Variants in LRFN5 observed in about 807,000 individuals in gnomAD.
LRFN5 encodes the protein leucine-rich repeat and fibronectin type-III domain-containing protein 5.
A neutral mutation model predicts 45.6 loss-of-function variants in LRFN5; 24 were observed. The ratio of observed to expected loss-of-function variants is 0.53; its 90% CI spans 0.38 to 0.74. LRFN5 has a LOEUF of 0.74. Ranked by LOEUF, LRFN5 falls within the 30% of genes least tolerant of loss-of-function variation. The pLI is 0.00. For missense variants in LRFN5, 776 were observed against 861.5 expected, an observed-to-expected ratio of 0.90 and a Z score of 1.24; for synonymous variants, 340 against 313.8, an observed-to-expected ratio of 1.08 and a Z score of -0.88.
intron 2 of LRFN5, among the ~76,000 whole-genome samples, chr14:41,862,373 T>C (rs8017309): frequency 0.8 from 121,536 of 152,148 alleles, 48,753 homozygotes; most frequent in East Asian, 0.97. Flanking sequence ...GTTACTCTTG[T>C]GACATTCATT....
intron 1 of LRFN5, among the ~76,000 whole-genome samples, chr14:41,665,278 G>T (rs529693379): frequency 1.1e-4 from 16 of 151,854 alleles, no homozygotes; most frequent in African/African-American, 3.6e-4. Flanking sequence ...ATTTATGTAT[G>T]TGAAGGATAA....
chr14:41,611,677 C>T (rs570254655), intron 1 of LRFN5, among the ~76,000 whole-genome samples: 1 of 152,274 alleles, frequency 6.6e-6, no homozygotes, highest in Non-Finnish European at 1.5e-5. Context: ...TGAACACCAG[C>T]CTTCTGTTCT....
chr14:41,781,629 AGAAAG>A (rs1341512700), intron 2 of LRFN5, among the ~76,000 whole-genome samples: 6 of 148,230 alleles, frequency 4.0e-5, no homozygotes, highest in African/African-American at 1.2e-4. Flanking sequence ...AAAGAAAGAA[AGAAAG>A]GAAAGAAAGA....
chr14:41,645,323 C>T (rs1020461899), intron 1 of LRFN5, among the ~76,000 whole-genome samples: 2 of 152,162 alleles, frequency 1.3e-5, no homozygotes, highest in African/African-American at 4.8e-5. Context: ...CAACCTCCGC[C>T]TCCCAGGTTC....
Position 41,887,366 on chromosome 14 carries a change from A to G in LRFN5, c.741A>G (p.Glu247=). The G allele has an allele frequency of 6.2e-7, 1 of 1,614,148 alleles. No homozygotes were observed. The highest frequency in any genetic ancestry group is 8.5e-7 in the Non-Finnish European group (1 of 1,180,020). ...GAAACCCCTTGCATTGCAATTGTGA[A>G]TTGTTGTGGTTGAGGCGTCTGTCCA... ...FGGNPLHCNC[E]LLWLRRLSRE... The change falls in exon 3 of 6, where the codon GAA becomes GAG. Residue 247 remains glutamate, a synonymous_variant. Transcript: ENST00000298119. This position sits in a 1 kb window ranked among gnomAD's most constrained non-coding sequence, Gnocchi z 4.8.
At chr14:41,845,288 G>A (rs574029554) in intron 2 of LRFN5, among the ~76,000 whole-genome samples, 1 of 152,212 alleles carries the variant, frequency 6.6e-6, no homozygotes, top group South Asian at 2.1e-4. Context: ...GAGGCAACCA[G>A]ACAGCATGTA....
intron 1 of LRFN5, among the ~76,000 whole-genome samples, chr14:41,734,076 G>A (rs1283096572): frequency 7.2e-6 from 1 of 139,730 alleles, no homozygotes; most frequent in African/African-American, 2.7e-5. Context: ...CCCAGGCTGG[G>A]GTGCAATGGC....
At position 41,904,221 on chromosome 14, in the gene LRFN5, AT is replaced by A. The variant is rs1437827007; in HGVS notation, c.*51del. ...TCTCCTGAAAAAATTTGCCACTGAT[AT>A]TTTTACTGGATAAAATTCAAAAATG... On this transcript the variant is annotated 3_prime_UTR_variant, in exon 6 of 6. Coordinates refer to ENST00000298119, the MANE Select transcript of LRFN5 (RefSeq NM_152447.5). 1.2e-6 allele frequency: 2 copies of A among 1,604,518 alleles called. No homozygotes were observed. Among genetic ancestry groups the A allele is most frequent in the East Asian group, 2.2e-5 (1 of 44,776 alleles).
At chr14:41,799,170 A>T (rs1400342736) in intron 2 of LRFN5, among the ~76,000 whole-genome samples, 5 of 152,036 alleles carry the variant, frequency 3.3e-5, no homozygotes, top group Admixed American at 3.3e-4. Context: ...AAGTGCATAA[A>T]TTGCTGGTTG....
At chr14:41,697,574 G>T (rs1169816529) in intron 1 of LRFN5, among the ~76,000 whole-genome samples, 1 of 150,856 alleles carries the variant, frequency 6.6e-6, no homozygotes. Flanking sequence ...CATGTGGATT[G>T]ACTTGTCCAT....
At chr14:41,746,321 A>C (rs763029638) in intron 1 of LRFN5, among the ~76,000 whole-genome samples, 2 of 151,856 alleles carry the variant, frequency 1.3e-5, no homozygotes, top group South Asian at 2.1e-4. Context: ...GATACAAAAC[A>C]CTCAAAGAAT....
chr14:41,809,254 T>C (rs1206091559), intron 2 of LRFN5, among the ~76,000 whole-genome samples: 1 of 152,104 alleles, frequency 6.6e-6, no homozygotes, highest in African/African-American at 2.4e-5. Flanking sequence ...TAAAATGGAA[T>C]AAAAATGAGT....
At chr14:41,757,851 C>T (rs80129523) in intron 1 of LRFN5, among the ~76,000 whole-genome samples, 1 of 152,156 alleles carries the variant, frequency 6.6e-6, no homozygotes, top group Non-Finnish European at 1.5e-5. Flanking sequence ...GCGTGGCTCA[C>T]ATTGGGAGCT....
chr14:41,759,494 CACACAG>C (rs372895562), intron 1 of LRFN5, among the ~76,000 whole-genome samples: 15,710 of 50,010 alleles, frequency 0.31, 984 homozygotes, highest in South Asian at 0.38. Flanking sequence ...CACACACACA[CACACAG>C]AGAGAGCACC....
intron 1 of LRFN5, among the ~76,000 whole-genome samples, chr14:41,670,254 CAG>C (rs1881122715): frequency 8.3e-5 from 5 of 59,916 alleles, no homozygotes; most frequent in Non-Finnish European, 1.3e-4. Flanking sequence ...CACATACACA[CAG>C]ATATATATAT....
chr14:41,887,091 T>C lies in LRFN5; in HGVS notation c.466T>C (p.Tyr156His). Residue 156 changes from tyrosine (Y) to histidine (H), a missense_variant, in exon 3 of 6, where the codon TAT becomes CAT. Physicochemically the swap from Tyr to His is moderately conservative, Grantham distance 83. This residue lies in a region of LRFN5 where 311 missense variants were observed against 405.1 expected (regional missense o/e 0.77). Transcript: ENST00000298119. The surrounding 1 kb of genome is among the most constrained non-coding windows in gnomAD (Gnocchi z 4.8). ...CGCCCTTGAGGAGCTGGATCTGTCC[T>C]ATAATAATCTAGAAACCATTCCTTG... ...VFALEELDLS[Y>H]NNLETIPWDA... 1 of 1,614,016 alleles carries C rather than the reference T, an allele frequency of 6.2e-7. No individual in the cohort carries two copies.
At chr14:41,760,653 A>T (rs978452217) in intron 1 of LRFN5, among the ~76,000 whole-genome samples, 1 of 152,154 alleles carries the variant, frequency 6.6e-6, no homozygotes, top group African/African-American at 2.4e-5. Context: ...TTTCTGATTT[A>T]ACATGCAAAG....
chr14:41,667,254 T>C (rs1179805873), intron 1 of LRFN5, among the ~76,000 whole-genome samples: 1 of 152,192 alleles, frequency 6.6e-6, no homozygotes, highest in Non-Finnish European at 1.5e-5. Flanking sequence ...GCTACATTCC[T>C]GAATTTCTCA....
intron 1 of LRFN5, among the ~76,000 whole-genome samples, chr14:41,637,406 T>C (rs139155025): frequency 3.3e-5 from 5 of 152,192 alleles, no homozygotes; most frequent in African/African-American, 7.2e-5. Context: ...ACTTTTTTTT[T>C]CCCTTTTCCA....
Sources: allele counts gnomAD v4.1 joint callset (sites outside exome capture counted in the v4.1 genomes callset), GRCh38; gene constraint gnomAD v4.1.1; regional missense constraint gnomAD v4.1.1; non-coding constraint Gnocchi (gnomAD v3.1); transcripts MANE v1.5; gene names NCBI Gene and HGNC (gene_info 2026-07-23, HGNC 2026-07-21).